The following MROH1 variants were observed in gnomAD, a reference collection of about 807,000 sequenced individuals.
The protein encoded by MROH1 is maestro heat like repeat family member 1.
MROH1 carries 117 observed loss-of-function variants against 116.5 expected under a neutral mutation model. That is an observed-to-expected ratio of 1.00 (90% confidence interval 0.86 to 1.17). The LOEUF is 1.17. Among genes scored for constraint, MROH1 ranks in the 50% most tolerant of loss-of-function variants. MROH1 has a pLI of 0.00. For synonymous variants in MROH1, 921 were observed against 583.9 expected, an observed-to-expected ratio of 1.58 and a Z score of -8.32; for missense variants, 1,873 against 1,338.5, an observed-to-expected ratio of 1.40 and a Z score of -6.23.
At chr8:144,159,920 A>C (rs1188122898) in intron 1 of MROH1, among the ~76,000 whole-genome samples, 1 of 151,880 alleles carries the variant, frequency 6.6e-6, no homozygotes, top group African/African-American at 2.4e-5. Flanking sequence ...GGGGCCCGCC[A>C]CCACACCCCG....
rs1023601503 is a variant in MROH1, at chr8:144,174,877, C to T, written c.169-4578C>T. On this transcript the variant is annotated intron_variant, in intron 4 of 43. Transcript: ENST00000326134. ...ACCCATTGCAGACTTGCTGAGTCAGCCTGTCACCCTGCACTGAGCACTCAA... is the reference window on the plus strand; with the variant it reads ...ACCCATTGCAGACTTGCTGAGTCAGTCTGTCACCCTGCACTGAGCACTCAA... 5 of 985,212 alleles carry T rather than the reference C, an allele frequency of 5.1e-6. No homozygotes were observed. In the African/African-American group the frequency reaches 8.7e-5, roughly 17 times the overall value. The allele number at this position is 985,212 out of a possible 1,614,324, so 61.0% of individuals were successfully genotyped here.
Position 144,243,581 on chromosome 8 carries a change from T to C in MROH1, c.2440T>C (p.Phe814Leu). Residue 814 changes from phenylalanine (F) to leucine (L), a missense_variant, in exon 25 of 44, where the codon TTC (phenylalanine) becomes CTC (leucine). Coordinates refer to ENST00000326134, the MANE Select transcript of MROH1 (RefSeq NM_032450.3). ...CAGCACCCAGGCTGGCTCCTTCCAC[T>C]TCACCCGGAAAGCAGAGCTGGTGGC... Reference protein sequence around the residue: ...CSSTQAGSFHFTRKAELVAQM... With the variant: ...CSSTQAGSFHLTRKAELVAQM... 1.3e-6 allele frequency: 1 copy of C among 780,130 alleles called. No individual in the cohort carries two copies. Among genetic ancestry groups the C allele is most frequent in the East Asian group, 2.4e-5 (1 of 41,250 alleles). 48.3% of individuals were successfully genotyped at this position (780,130 alleles called of 1,614,324 possible).
At chr8:144,202,620 AGGGGTG>A (rs1564464761) in intron 12 of MROH1, among the ~76,000 whole-genome samples, 1 of 4,544 alleles carries the variant, frequency 2.2e-4, no homozygotes, top group East Asian at 0.011. Context: ...CTCTCTGTGG[AGGGGTG>A]GGGAGGGGAG....
intron 14 of MROH1, among the ~76,000 whole-genome samples, chr8:144,234,942 C>CAA (rs1308255604): frequency 3.0e-4 from 39 of 132,158 alleles, no homozygotes; most frequent in African/African-American, 1.1e-3. Context: ...GCCCAGGCTG[C>CAA]AGTGCAATGG....
At chr8:144,197,715 G>A (rs1226930966) in intron 10 of MROH1, among the ~76,000 whole-genome samples, 5 of 149,334 alleles carry the variant, frequency 3.3e-5, no homozygotes, top group Admixed American at 6.6e-5. Flanking sequence ...GATTACAGGC[G>A]TGAGCCACTG....
intron 10 of MROH1, among the ~76,000 whole-genome samples, chr8:144,197,417 CTTTTTTTTTTTTTTTTTTTTTTT>C (rs79749774): frequency 2.4e-5 from 1 of 42,458 alleles, no homozygotes; most frequent in Non-Finnish European, 3.7e-5. Flanking sequence ...GCTGCAGCAT[CTTTTTTTTTTTTTTTTTTTTTTT>C]TTTTTTTTTT....
chr8:144,224,818 C>A (rs1406974249), intron 14 of MROH1, among the ~76,000 whole-genome samples: 8 of 152,130 alleles, frequency 5.3e-5, no homozygotes, highest in Non-Finnish European at 1.2e-4. Flanking sequence ...GGGTGCTGGG[C>A]TCTGTGGTTC....
chr8:144,151,366 G>A (rs1816748601), intron 1 of MROH1, among the ~76,000 whole-genome samples: 1 of 152,012 alleles, frequency 6.6e-6, no homozygotes, highest in Non-Finnish European at 1.5e-5. Context: ...GGACCTCGAG[G>A]GGAACACGCC....
In MROH1 at chr8:144,225,467, C is replaced by A. The variant is rs138452743; in HGVS notation, c.1338+2237C>A. 2.6e-5 allele frequency among the ~76,000 whole-genome samples: 4 copies of A among 152,124 alleles called. No homozygotes were observed. The East Asian group carries it at 7.7e-4, about 29-fold the overall frequency. On this transcript the variant is annotated intron_variant, in intron 14 of 43. Transcript: ENST00000326134. ...TATACGTATGGGCCTCTGCTCCTGCCCATAGACATTTTCTTACAGGTCTGT... is the reference window on the plus strand; with the variant it reads ...TATACGTATGGGCCTCTGCTCCTGCACATAGACATTTTCTTACAGGTCTGT...
At chr8:144,233,291 A>G (rs1839290431) in intron 14 of MROH1, among the ~76,000 whole-genome samples, 1 of 149,950 alleles carries the variant, frequency 6.7e-6, no homozygotes, top group Non-Finnish European at 1.5e-5. Flanking sequence ...GTTCCCAAAC[A>G]GAAACTCTGT....
chr8:144,229,929 G>C (rs1838518962), intron 14 of MROH1, among the ~76,000 whole-genome samples: 1 of 151,902 alleles, frequency 6.6e-6, no homozygotes, highest in Non-Finnish European at 1.5e-5. Context: ...AGCTACTCGG[G>C]AAGCTGAGGC....
At chr8:144,150,964 C>G (rs1414929455) in intron 1 of MROH1, among the ~76,000 whole-genome samples, 1 of 152,078 alleles carries the variant, frequency 6.6e-6, no homozygotes, top group Non-Finnish European at 1.5e-5. Flanking sequence ...ACCTGAGACC[C>G]AGGCCAGGCG....
In MROH1 at chr8:144,190,765, C is replaced by A; in HGVS notation, c.563-19C>A. ...CAAACCCATGGCCTGCAGCCACTTA[C>A]CACTGGCCGGTTTTGTAGCTCTGCA... On this transcript the variant is annotated intron_variant, in intron 7 of 43. Transcript: ENST00000326134. The A allele has an allele frequency of 1.2e-6, 2 of 1,610,266 alleles. No homozygotes were observed. Among genetic ancestry groups the A allele is most frequent in the Admixed American group, 1.7e-5 (1 of 59,942 alleles).
At chr8:144,173,535 C>T (rs1482654538) in intron 4 of MROH1, among the ~76,000 whole-genome samples, 2 of 151,840 alleles carry the variant, frequency 1.3e-5, no homozygotes, top group East Asian at 1.9e-4. Context: ...AAGCAGTTCT[C>T]CTGCCTCAGC....
At chr8:144,218,410 C>T (rs1050937918) in intron 12 of MROH1, among the ~76,000 whole-genome samples, 3 of 151,982 alleles carry the variant, frequency 2.0e-5, no homozygotes, top group South Asian at 2.1e-4. Flanking sequence ...CCAGTCAGGC[C>T]GTCATCCTGT....
intron 20 of MROH1, 109 bp from the exon 21 acceptor site, chr8:144,240,883 C>T (rs1807104024): frequency 2.8e-6 from 2 of 706,470 alleles, no homozygotes; most frequent in Non-Finnish European, 2.6e-6. Context: ...CCCTGCAGTT[C>T]TCATCAGCTT....
chr8:144,185,601 A>G (rs530788932), intron 7 of MROH1, among the ~76,000 whole-genome samples: 33 of 10,294 alleles, frequency 3.2e-3, no homozygotes, highest in South Asian at 0.011. Flanking sequence ...GGGATGTGAG[A>G]GGCAGTGCGG....
chr8:144,216,733 A>G (rs1473233989), intron 12 of MROH1, among the ~76,000 whole-genome samples: 1 of 147,494 alleles, frequency 6.8e-6, no homozygotes, highest in East Asian at 2.0e-4. Context: ...TGTGTCGCCC[A>G]GGCTAGAGTG....
At chr8:144,226,521 T>C (rs1174254070) in intron 14 of MROH1, among the ~76,000 whole-genome samples, 1 of 151,892 alleles carries the variant, frequency 6.6e-6, no homozygotes, top group Non-Finnish European at 1.5e-5. Flanking sequence ...GGTGCCATGC[T>C]GGCTCACTGC....
Sources: gnomAD v4.1 joint callset for allele counts (sites outside exome capture counted in the v4.1 genomes callset) on GRCh38, gnomAD v4.1.1 for gene constraint, MANE v1.5 for transcripts, NCBI Gene and HGNC (gene_info 2026-07-23, HGNC 2026-07-21) for gene names.